The following KPNA3 variants were observed in gnomAD, a reference collection of about 807,000 sequenced individuals.
KPNA3 encodes importin subunit alpha-4.
A neutral mutation model predicts 73.8 loss-of-function variants in KPNA3; 13 were observed. That is an observed-to-expected ratio of 0.18 (90% CI 0.11 to 0.28). The LOEUF (loss-of-function observed/expected upper bound fraction) is 0.28, where lower values mean the gene tolerates loss of function less well. KPNA3 is among the 10% of genes least tolerant of loss of function. The pLI is 1.00. For synonymous variants in KPNA3, 186 were observed against 206.9 expected (o/e 0.90, Z 0.87); for missense variants, 360 against 618.1 (o/e 0.58, Z 4.43).
At chr13:49,758,936 C>A (rs1954735472) in intron 1 of KPNA3, among the ~76,000 whole-genome samples, 1 of 152,106 alleles carries the variant, frequency 6.6e-6, no homozygotes, top group Non-Finnish European at 1.5e-5. Flanking sequence ...AGAACTGGTT[C>A]ATTCCAACTA....
At chr13:49,713,388 T>C (rs1462170668) in intron 10 of KPNA3, among the ~76,000 whole-genome samples, 6 of 150,018 alleles carry the variant, frequency 4.0e-5, no homozygotes, top group East Asian at 2.0e-4. Flanking sequence ...GGAAGTCAAA[T>C]AGGCAAAAAA....
At chr13:49,792,410 C>G (rs1304686762) in intron 1 of KPNA3, 28 bp downstream of exon 1, 3 of 1,517,926 alleles carry the variant, frequency 2.0e-6, no homozygotes, top group African/African-American at 1.4e-5. Flanking sequence ...CGCGGCCAGG[C>G]GGGCCCAGAC....
chr13:49,768,068 T>G (rs1954823013), intron 1 of KPNA3, among the ~76,000 whole-genome samples: 1 of 152,074 alleles, frequency 6.6e-6, no homozygotes, highest in Admixed American at 6.6e-5. Context: ...TCACAAGGTC[T>G]GGAGTTTGAG....
intron 15 of KPNA3, among the ~76,000 whole-genome samples, chr13:49,703,315 G>A (rs972531236): frequency 6.6e-6 from 1 of 151,038 alleles, no homozygotes; most frequent in Non-Finnish European, 1.5e-5. Flanking sequence ...CAAGTAGCTG[G>A]GATTACAGGT....
intron 1 of KPNA3, among the ~76,000 whole-genome samples, chr13:49,776,978 T>A (rs1254318825): frequency 6.6e-6 from 1 of 152,202 alleles, no homozygotes; most frequent in Non-Finnish European, 1.5e-5. Flanking sequence ...AAAAGCTGGT[T>A]TCTACTTTTT....
At chr13:49,711,143 A>G (rs1954256520) in intron 10 of KPNA3, 121 bp from the exon 11 acceptor site, 1 of 775,656 alleles carries the variant, frequency 1.3e-6, no homozygotes, top group African/African-American at 1.8e-5. Flanking sequence ...CTTAGTGGCA[A>G]AAATATCTGC....
At position 49,710,782 on chromosome 13, in the gene KPNA3, A is replaced by G. The variant is rs1954252894; in HGVS notation, c.903+109T>C. 7.2e-6 allele frequency: 7 copies of G among 973,312 alleles called. No individual in the cohort carries two copies. In the South Asian group the frequency reaches 1.1e-4, roughly 16 times the overall value. The allele number at this position is 973,312 out of a possible 1,614,324, so 60.3% of individuals were successfully genotyped here. ...AATCAGGCTCAGGGACTAGCAGAAG[A>G]AATGTGGAAGATAAGCACTTACAGA... On this transcript the variant is annotated intron_variant, in intron 11 of 16. Transcript: ENST00000261667.
intron 1 of KPNA3, among the ~76,000 whole-genome samples, chr13:49,757,536 T>C (rs1408219853): frequency 6.6e-6 from 1 of 152,194 alleles, no homozygotes; most frequent in Non-Finnish European, 1.5e-5. Context: ...ATTGTGATAC[T>C]TTCAAATGCT....
intron 10 of KPNA3, among the ~76,000 whole-genome samples, chr13:49,713,674 C>CACACACACACAAAA (rs563909268): frequency 2.1e-5 from 3 of 141,896 alleles, no homozygotes; most frequent in East Asian, 2.0e-4. Context: ...CACACACACA[C>CACACACACACAAAA]AAAACAGAAA....
At chr13:49,719,614 T>C (rs1397231859) in intron 10 of KPNA3, among the ~76,000 whole-genome samples, 161 bp downstream of exon 10, 1 of 152,226 alleles carries the variant, frequency 6.6e-6, no homozygotes, top group Non-Finnish European at 1.5e-5. Context: ...TGCTTACAGA[T>C]TTAAGCTATA....
At chr13:49,789,149 T>C (rs1028648248) in intron 1 of KPNA3, among the ~76,000 whole-genome samples, 12 of 152,156 alleles carry the variant, frequency 7.9e-5, no homozygotes, top group Non-Finnish European at 1.5e-4. Context: ...CTGGAATAAA[T>C]TCCTTCACAT....
chr13:49,731,790 G>C (rs547034905), intron 6 of KPNA3, among the ~76,000 whole-genome samples: 18 of 152,318 alleles, frequency 1.2e-4, no homozygotes, highest in South Asian at 4.1e-4. Context: ...AATAGGGCCA[G>C]TTCCTCAAAA....
chr13:49,762,554 T>A (rs1186838294), intron 1 of KPNA3, among the ~76,000 whole-genome samples: 1 of 152,220 alleles, frequency 6.6e-6, no homozygotes, highest in Non-Finnish European at 1.5e-5. Flanking sequence ...GCTGTTGATC[T>A]ATGACCTTGC....
chr13:49,731,304 C>T (rs1954467674), intron 6 of KPNA3, among the ~76,000 whole-genome samples: 2 of 130,080 alleles, frequency 1.5e-5, no homozygotes, highest in African/African-American at 6.1e-5. Flanking sequence ...GCCCAGGCTG[C>T]TCTCGAACTC....
intron 1 of KPNA3, among the ~76,000 whole-genome samples, chr13:49,778,718 C>T (rs1954917355): frequency 6.6e-6 from 1 of 152,108 alleles, no homozygotes; most frequent in Non-Finnish European, 1.5e-5. Flanking sequence ...TAAAGAGATC[C>T]TCCCACCTCA....
chr13:49,742,274 T>C (rs1219101559), intron 2 of KPNA3, among the ~76,000 whole-genome samples: 2 of 152,226 alleles, frequency 1.3e-5, no homozygotes, highest in Non-Finnish European at 2.9e-5. Context: ...TTCACCTTAG[T>C]TGCCTTAGAC....
In KPNA3 at chr13:49,722,481, A is replaced by G; in HGVS notation, c.552T>C (p.Ile184=). Residue 184 remains isoleucine (I), a synonymous_variant, in exon 8 of 17, where the codon ATT becomes ATC. Transcript: ENST00000261667. The stretch of plus-strand genomic sequence containing the variant: ...GATTCCTTTCAAACCACTTACCTAT[A>G]ATGTTTCCCAAAGCCCATACTGCTT... ...CEQAVWALGN[I]IGDGPQCRDY... 1.2e-6 allele frequency: 2 copies of G among 1,603,776 alleles called. No homozygotes were observed. The highest frequency in any genetic ancestry group is 1.1e-5 in the South Asian group (1 of 89,468).
At chr13:49,747,135 A>C in intron 1 of KPNA3, 142 bp from the exon 2 acceptor site, 1 of 535,124 alleles carries the variant, frequency 1.9e-6, no homozygotes, top group South Asian at 2.5e-5. Flanking sequence ...TGAGGTCAGG[A>C]GTTCAAAACC....
At chr13:49,776,916 G>A (rs1304290054) in intron 1 of KPNA3, among the ~76,000 whole-genome samples, 1 of 152,162 alleles carries the variant, frequency 6.6e-6, no homozygotes, top group African/African-American at 2.4e-5. Context: ...TTTATAAAAA[G>A]ATACTAACTG....
Sources: gnomAD v4.1 joint callset for allele counts (sites outside exome capture counted in the v4.1 genomes callset) on GRCh38, gnomAD v4.1.1 for gene constraint, MANE v1.5 for transcripts, NCBI Gene and HGNC (gene_info 2026-07-23, HGNC 2026-07-21) for gene names.